The following KCNMA1 variants were observed in gnomAD, a reference collection of about 807,000 sequenced individuals.
The protein encoded by KCNMA1 is potassium calcium-activated channel subfamily M alpha 1, also known as Calcium-activated potassium channel subunit alpha-1.
In KCNMA1, 29 loss-of-function variants were observed where a neutral mutation model predicts 140.0. The observed-to-expected ratio is 0.21, with a 90% confidence interval of 0.15 to 0.28. The LOEUF is 0.28. KCNMA1 is among the 10% of genes least tolerant of loss of function. KCNMA1 has a pLI of 1.00. For synonymous variants in KCNMA1, 612 were observed against 611.9 expected (o/e 1.00, Z 0.00); for missense variants, 880 against 1,602.2 (o/e 0.55, Z 7.70).
intron 19 of KCNMA1, among the ~76,000 whole-genome samples, chr10:76,991,757 G>T (rs902917974): frequency 1.2e-4 from 18 of 152,164 alleles, no homozygotes; most frequent in African/African-American, 4.1e-4. Flanking sequence ...GACCTTGGAG[G>T]GAGGGAAGGC....
chr10:77,431,887 G>A (rs949289566), intron 1 of KCNMA1, among the ~76,000 whole-genome samples: 3 of 152,020 alleles, frequency 2.0e-5, no homozygotes, highest in Admixed American at 6.6e-5. Flanking sequence ...CAGCTACTCG[G>A]GAGGTTGAGG....
intron 2 of KCNMA1, among the ~76,000 whole-genome samples, chr10:77,344,058 C>T (rs1287107526): frequency 6.6e-6 from 1 of 152,210 alleles, no homozygotes; most frequent in East Asian, 1.9e-4. Flanking sequence ...ACTGCACCAC[C>T]ACACACAGGC....
chr10:77,557,709 A>G (rs990033823), intron 1 of KCNMA1, among the ~76,000 whole-genome samples: 2 of 149,358 alleles, frequency 1.3e-5, no homozygotes, highest in Non-Finnish European at 1.5e-5. Flanking sequence ...GTGGAATGCA[A>G]TGGCATGATC....
chr10:76,993,785 T>G (rs773600250), intron 19 of KCNMA1, among the ~76,000 whole-genome samples: 32 of 152,184 alleles, frequency 2.1e-4, no homozygotes, highest in Middle Eastern at 3.2e-3. Context: ...TATTACAGAC[T>G]AAGAACAAAA....
chr10:77,086,828 G>C (rs931629363), intron 10 of KCNMA1, among the ~76,000 whole-genome samples: 2 of 152,134 alleles, frequency 1.3e-5, no homozygotes, highest in African/African-American at 4.8e-5. Flanking sequence ...CTTTAGGAAG[G>C]CCAAGACCTC....
intron 19 of KCNMA1, chr10:76,978,388 A>C (rs755576182): frequency 2.0e-5 from 3 of 152,220 alleles, no homozygotes; most frequent in Admixed American, 6.5e-5. Flanking sequence ...TATGCCAATG[A>C]ATTATGTATT....
intron 1 of KCNMA1, among the ~76,000 whole-genome samples, chr10:77,460,059 C>T (rs988263174): frequency 4.6e-5 from 7 of 152,200 alleles, no homozygotes; most frequent in African/African-American, 1.7e-4. Flanking sequence ...AGCTCCAAAC[C>T]AGCCATAGGC....
At chr10:77,146,701 C>CAAAAAAAAA (rs5786266) in intron 5 of KCNMA1, among the ~76,000 whole-genome samples, 8 of 64,182 alleles carry the variant, frequency 1.2e-4, no homozygotes, top group Admixed American at 2.7e-4. Flanking sequence ...GACTTCATCT[C>CAAAAAAAAA]AAAAAAAAAA....
At chr10:77,562,483 T>C (rs551991687) in intron 1 of KCNMA1, among the ~76,000 whole-genome samples, 120 of 152,302 alleles carry the variant, frequency 7.9e-4, no homozygotes, top group African/African-American at 2.6e-3. Flanking sequence ...ACTATAAAAA[T>C]AGAGGATCTC....
chr10:77,499,466 T>C (rs816861), intron 1 of KCNMA1, among the ~76,000 whole-genome samples: 12,861 of 149,428 alleles, frequency 0.086, 705 homozygotes, highest in Admixed American at 0.14. Flanking sequence ...CATATATATA[T>C]ACACATACAT....
Position 77,123,179 on chromosome 10 carries a change from C to CAAAA in KCNMA1, c.809-2135_809-2132dup, listed in dbSNP as rs61374890. On this transcript the variant is annotated intron_variant, in intron 5 of 27. Coordinates refer to ENST00000286628, the MANE Select transcript of KCNMA1 (RefSeq NM_001161352.2). ...TGGGCGACAGAGCGAGACTCCGTCT[C>CAAAA]AAAAAAAAAAAAAAAAAAAAAAAAA... Among the ~76,000 whole-genome samples, 288 of 59,632 alleles carry CAAAA rather than the reference C, an allele frequency of 4.8e-3. 45 individuals carry two copies. The highest frequency in any genetic ancestry group is 0.012 in the Middle Eastern group (1 of 84). 39.1% of individuals were successfully genotyped at this position (59,632 alleles called of 152,430 possible). A position where few individuals can be genotyped will look rare whatever the true frequency, so the allele number is the denominator to read the frequency against.
chr10:76,945,592 G>C (rs12413674), intron 22 of KCNMA1, among the ~76,000 whole-genome samples: 2,853 of 152,178 alleles, frequency 0.019, 67 homozygotes, highest in East Asian at 0.075. Flanking sequence ...CATATTTTCA[G>C]CAAGAAAAAA....
rs181979106 is a variant in KCNMA1 at position 77,633,514 on chromosome 10, G to A, written c.378+3751C>T. On this transcript the variant is annotated intron_variant, in intron 1 of 27. Coordinates refer to ENST00000286628, the MANE Select transcript of KCNMA1 (RefSeq NM_001161352.2). Reference sequence around the variant, plus strand: ...CAATCCCCAGGACAGGATGAGATGAGGCACAAGGGCCAATCTGGAATCAAG... The same window carrying A: ...CAATCCCCAGGACAGGATGAGATGAAGCACAAGGGCCAATCTGGAATCAAG... Among the ~76,000 whole-genome samples, 308 of 152,192 alleles carry A rather than the reference G, an allele frequency of 2.0e-3. 1 individual carries two copies. Among genetic ancestry groups the A allele is most frequent in the African/African-American group, 7.1e-3 (295 of 41,530 alleles).
rs199737195 is a variant in KCNMA1 at position 77,165,886 on chromosome 10, A to G, written c.808+17535T>C. ...GGCTTCAAAGAGGATTCTGAGGGCGACAGCCACTATAATGTCCATTCCTAC... is the reference window on the plus strand; with the variant it reads ...GGCTTCAAAGAGGATTCTGAGGGCGGCAGCCACTATAATGTCCATTCCTAC... On this transcript the variant is annotated intron_variant, in intron 5 of 27. Coordinates refer to ENST00000286628, the MANE Select transcript of KCNMA1 (RefSeq NM_001161352.2). Among the ~76,000 whole-genome samples the G allele has an allele frequency of 2.0e-5, 3 of 152,358 alleles. No individual in the cohort carries two copies. The East Asian group carries it at 5.8e-4, about 29-fold the overall frequency.
intron 2 of KCNMA1, among the ~76,000 whole-genome samples, chr10:77,264,160 C>A (rs1310006698): frequency 1.3e-5 from 2 of 152,086 alleles, no homozygotes; most frequent in Non-Finnish European, 2.9e-5. Flanking sequence ...AAAGCCTGGC[C>A]CACAGCCCCT....
At chr10:77,093,558 C>T (rs577092716) in intron 9 of KCNMA1, among the ~76,000 whole-genome samples, 7 of 152,264 alleles carry the variant, frequency 4.6e-5, no homozygotes, top group Admixed American at 1.3e-4. Context: ...GATCTGCTTC[C>T]GCCAGCCTGT....
At chr10:77,316,454 A>T (rs545030132) in intron 2 of KCNMA1, among the ~76,000 whole-genome samples, 2 of 152,290 alleles carry the variant, frequency 1.3e-5, no homozygotes, top group South Asian at 4.2e-4. Context: ...GTTTAGACCA[A>T]CTCAAACTTG....
In KCNMA1 at chr10:77,637,525, AGG is replaced by A; in HGVS notation, c.116_117del (p.Ser39PhefsTer93). 1 of 1,560,034 alleles carries A rather than the reference AGG, an allele frequency of 6.4e-7. No homozygotes were observed. Among genetic ancestry groups the A allele is most frequent in the Non-Finnish European group, 8.7e-7 (1 of 1,147,066 alleles). Reference sequence around the variant, plus strand: ...GAGGAAGAGGAGGAGGAGGAGGAGGAGGACGCGTCTAGGCTGAGATGGTTCGC... The same window carrying A: ...GAGGAAGAGGAGGAGGAGGAGGAGGAACGCGTCTAGGCTGAGATGGTTCGC... ...IHANHLSLDA[S>X]SSSSSSSSSS... On this transcript the variant is annotated frameshift_variant, in exon 1 of 28. Coordinates refer to ENST00000286628, the MANE Select transcript of KCNMA1 (RefSeq NM_001161352.2). LOFTEE classifies it high-confidence loss of function.
At chr10:77,280,188 T>C (rs1384946521) in intron 2 of KCNMA1, among the ~76,000 whole-genome samples, 1 of 152,210 alleles carries the variant, frequency 6.6e-6, no homozygotes, top group Non-Finnish European at 1.5e-5. Flanking sequence ...CCTAGGTTCA[T>C]CAATGCGCTA....
Sources: allele counts gnomAD v4.1 joint callset (sites outside exome capture counted in the v4.1 genomes callset), GRCh38; gene constraint gnomAD v4.1.1; transcripts MANE v1.5; gene names NCBI Gene and HGNC (gene_info 2026-07-23, HGNC 2026-07-21).